Variants in ASTN1 observed in about 807,000 individuals in gnomAD.
ASTN1 encodes the protein astrotactin 1.
Under a neutral mutation model 140.7 loss-of-function variants are expected in ASTN1, and 41 were observed. The ratio of observed to expected loss-of-function variants is 0.29; its 90% CI spans 0.23 to 0.38. ASTN1 has a LOEUF of 0.38. Ranked by LOEUF, ASTN1 falls within the 10% of genes least tolerant of loss-of-function variation. The pLI is 1.00. For missense variants in ASTN1, 1,479 were observed against 1,678.8 expected (o/e 0.88, Z 2.08); for synonymous variants, 640 against 652.2 (o/e 0.98, Z 0.29).
chr1:176,876,285 G>A (rs1297127536), intron 21 of ASTN1, among the ~76,000 whole-genome samples: 1 of 152,142 alleles, frequency 6.6e-6, no homozygotes, highest in Non-Finnish European at 1.5e-5. Context: ...TATGCTAGGG[G>A]GCTTCATCAG....
chr1:177,124,889 A>C (rs746588315), intron 1 of ASTN1, among the ~76,000 whole-genome samples: 1 of 152,198 alleles, frequency 6.6e-6, no homozygotes, highest in African/African-American at 2.4e-5. Flanking sequence ...GCTGCCTACT[A>C]TCTCAAGTCT....
At chr1:177,049,376 A>G (rs1172539585) in intron 2 of ASTN1, among the ~76,000 whole-genome samples, 1 of 152,220 alleles carries the variant, frequency 6.6e-6, no homozygotes, top group Non-Finnish European at 1.5e-5. Context: ...CCCTGATTTT[A>G]TTGACATATT....
chr1:177,066,931 C>T (rs1678388333), intron 1 of ASTN1, among the ~76,000 whole-genome samples: 1 of 152,106 alleles, frequency 6.6e-6, no homozygotes, highest in South Asian at 2.1e-4. Flanking sequence ...ATTAAGTAGT[C>T]AATTTTTAGC....
chr1:177,111,654 G>A (rs146156653), intron 1 of ASTN1, among the ~76,000 whole-genome samples: 1 of 152,166 alleles, frequency 6.6e-6, no homozygotes, highest in Non-Finnish European at 1.5e-5. Flanking sequence ...TGATAGAGCT[G>A]ATAAGATATA....
At chr1:177,138,110 C>T (rs78626220) in intron 1 of ASTN1, among the ~76,000 whole-genome samples, 213 of 152,260 alleles carry the variant, frequency 1.4e-3, no homozygotes, top group Non-Finnish European at 2.5e-3. Flanking sequence ...GATCAACTCT[C>T]CCTAGGGGAA....
At chr1:177,140,634 T>C (rs227502) in intron 1 of ASTN1, among the ~76,000 whole-genome samples, 151,364 of 152,322 alleles carry the variant, frequency 0.99, 75,223 homozygotes, top group Middle Eastern at 1. Context: ...TAATTTGCAA[T>C]CATTCCTTAC....
chr1:176,889,812 G>A (rs1035163454), intron 17 of ASTN1, among the ~76,000 whole-genome samples: 1 of 152,202 alleles, frequency 6.6e-6, no homozygotes, highest in Non-Finnish European at 1.5e-5. Flanking sequence ...CTTGCCCAGG[G>A]TCATAGGGTG....
intron 3 of ASTN1, 152 bp downstream of exon 3, chr1:177,032,304 A>G: frequency 9.4e-7 from 1 of 1,066,732 alleles, no homozygotes. Context: ...CCATCATCTC[A>G]GGAAACAGGT....
At chr1:176,921,678 GT>G (rs1380089904) in intron 16 of ASTN1, among the ~76,000 whole-genome samples, 2 of 152,132 alleles carry the variant, frequency 1.3e-5, no homozygotes, top group African/African-American at 2.4e-5. Context: ...TAATCACTTG[GT>G]TTTTATGTCC....
intron 8 of ASTN1, among the ~76,000 whole-genome samples, chr1:176,994,349 C>G (rs922374141): frequency 6.6e-6 from 1 of 152,048 alleles, no homozygotes; most frequent in African/African-American, 2.4e-5. Context: ...TCCCCTCACT[C>G]TTGCTGACTT....
intron 1 of ASTN1, among the ~76,000 whole-genome samples, chr1:177,072,117 C>T (rs915582938): frequency 6.6e-6 from 1 of 152,152 alleles, no homozygotes; most frequent in Non-Finnish European, 1.5e-5. Flanking sequence ...ACAGACTGTG[C>T]TGTCTACCAA....
chr1:176,965,271 C>G (rs1672829243), intron 8 of ASTN1, 34 bp from the exon 9 acceptor site: 1 of 1,607,628 alleles, frequency 6.2e-7, no homozygotes, highest in Non-Finnish European at 8.5e-7. Context: ...TTAAATTCAA[C>G]TCAACAAATA....
chr1:177,145,810 G>C (rs1682695756), intron 1 of ASTN1, among the ~76,000 whole-genome samples: 1 of 152,174 alleles, frequency 6.6e-6, no homozygotes, highest in Non-Finnish European at 1.5e-5. Context: ...ACCAAGTGCT[G>C]CTACATTCAC....
chr1:176,890,721 A>G (rs1182479003), intron 17 of ASTN1, among the ~76,000 whole-genome samples: 1 of 152,056 alleles, frequency 6.6e-6, no homozygotes, highest in African/African-American at 2.4e-5. Context: ...AATTCACACC[A>G]CTCCATAAGA....
chr1:176,955,719 G>A (rs1280345354), intron 11 of ASTN1, among the ~76,000 whole-genome samples: 1 of 152,190 alleles, frequency 6.6e-6, no homozygotes, highest in African/African-American at 2.4e-5. Context: ...AAAGGGGCTA[G>A]GATCACCAAC....
At chr1:176,912,014 T>C (rs1013563239) in intron 16 of ASTN1, among the ~76,000 whole-genome samples, 27 of 152,342 alleles carry the variant, frequency 1.8e-4, no homozygotes, top group African/African-American at 5.8e-4. Flanking sequence ...ACCACTGTCA[T>C]ATACGTGGGC....
chr1:177,085,339 C>G (rs575862083), intron 1 of ASTN1, among the ~76,000 whole-genome samples: 1 of 151,930 alleles, frequency 6.6e-6, no homozygotes, highest in Non-Finnish European at 1.5e-5. Flanking sequence ...TTGGAGTAGA[C>G]GTTAGAAAAA....
At chr1:177,059,835 C>T (rs147419788) in intron 2 of ASTN1, among the ~76,000 whole-genome samples, 4 of 152,272 alleles carry the variant, frequency 2.6e-5, no homozygotes, top group African/African-American at 9.6e-5. Flanking sequence ...AAGGTTTGAA[C>T]TAAGACTCAA....
intron 16 of ASTN1, among the ~76,000 whole-genome samples, chr1:176,912,842 C>G (rs1411190624): frequency 6.6e-6 from 1 of 152,194 alleles, no homozygotes; most frequent in African/African-American, 2.4e-5. Flanking sequence ...TTTTAGATCT[C>G]TGCGATTACT....
Sources: gnomAD v4.1 joint callset for allele counts (sites outside exome capture counted in the v4.1 genomes callset) on GRCh38, gnomAD v4.1.1 for gene constraint, MANE v1.5 for transcripts, NCBI Gene and HGNC (gene_info 2026-07-23, HGNC 2026-07-21) for gene names.